YEATS2: variants seen among roughly 807,000 people sequenced by gnomAD.
YEATS2 encodes YEATS domain containing 2.
YEATS2 carries 77 observed loss-of-function variants against 163.2 expected under a neutral mutation model. The observed-to-expected ratio is 0.47, with a 90% CI of 0.39 to 0.57. The LOEUF is 0.57. YEATS2 is among the 20% of genes least tolerant of loss of function. The pLI, the probability that YEATS2 is intolerant of heterozygous loss-of-function variation, is 0.00. For missense variants in YEATS2, 1,549 were observed against 1,729.8 expected, an observed-to-expected ratio of 0.90 and a Z score of 1.85; for synonymous variants, 631 against 645.1, an observed-to-expected ratio of 0.98 and a Z score of 0.33.
intron 1 of YEATS2, among the ~76,000 whole-genome samples, chr3:183,712,375 A>AT (rs1342292146): frequency 6.7e-6 from 1 of 150,296 alleles, no homozygotes; most frequent in Admixed American, 6.7e-5. Context: ...TGCCCAGCTA[A>AT]TTTTTTTGTA....
At chr3:183,732,084 C>T (rs1181893036) in intron 7 of YEATS2, among the ~76,000 whole-genome samples, 1 of 151,936 alleles carries the variant, frequency 6.6e-6, no homozygotes, top group South Asian at 2.1e-4. Context: ...TCTATTACTG[C>T]ACTTACTCAT....
chr3:183,747,161 T>C (rs1453818526), intron 8 of YEATS2, among the ~76,000 whole-genome samples: 1 of 151,952 alleles, frequency 6.6e-6, no homozygotes, highest in Non-Finnish European at 1.5e-5. Context: ...GTTTTCATTC[T>C]TTTTTTTAAG....
In YEATS2 at chr3:183,809,536, A is replaced by G. The variant is rs550500097; in HGVS notation, c.4160+366A>G. The G allele has an allele frequency of 3.4e-3, 562 of 163,852 alleles. 1 individual carries two copies. The highest frequency in any genetic ancestry group is 5.8e-3 in the Non-Finnish European group (436 of 75,518). The allele number at this position is 163,852 out of a possible 1,614,324, so 10.1% of individuals were successfully genotyped here. On this transcript the variant is annotated intron_variant, in intron 30 of 30. Transcript: ENST00000305135. ...TATTACCTAATTTGTTTTTCATTGCAGAACTATTATTCTCTTTTTAAAAAT... is the reference window on the plus strand; with the variant it reads ...TATTACCTAATTTGTTTTTCATTGCGGAACTATTATTCTCTTTTTAAAAAT...
chr3:183,752,853 A>G (rs1201803658), intron 10 of YEATS2, among the ~76,000 whole-genome samples: 1 of 151,772 alleles, frequency 6.6e-6, no homozygotes, highest in African/African-American at 2.4e-5. Context: ...GCTGGAGTGC[A>G]GTGGCATGAT....
chr3:183,766,911 G>C (rs962429721), intron 15 of YEATS2, among the ~76,000 whole-genome samples: 3 of 151,892 alleles, frequency 2.0e-5, no homozygotes, highest in Non-Finnish European at 4.4e-5. Flanking sequence ...CTGGGCTCAA[G>C]CAGTCTGCCT....
intron 6 of YEATS2, 97 bp downstream of exon 6, chr3:183,724,628 A>C: frequency 1.2e-6 from 1 of 827,908 alleles, no homozygotes; most frequent in South Asian, 2.2e-5. Flanking sequence ...AGCCTCAGGG[A>C]TTCTTTTTCC....
At chr3:183,797,222 T>A (rs1488317724) in intron 21 of YEATS2, among the ~76,000 whole-genome samples, 1 of 138,388 alleles carries the variant, frequency 7.2e-6, no homozygotes, top group Non-Finnish European at 1.5e-5. Context: ...TGAGCTGAGA[T>A]GGAGCCATTG....
At chr3:183,746,179 C>T (rs1006831331) in intron 8 of YEATS2, among the ~76,000 whole-genome samples, 9 of 152,132 alleles carry the variant, frequency 5.9e-5, no homozygotes, top group African/African-American at 1.9e-4. Flanking sequence ...CCTCCTGCGT[C>T]AGCCTCCTGA....
rs574742071 is a variant in YEATS2 at position 183,793,003 on chromosome 3, G to T, written c.3097+2023G>T. 2.0e-5 allele frequency: 12 copies of T among 587,064 alleles called. No homozygotes were observed. The East Asian group carries it at 7.3e-4, about 36-fold the overall frequency. 36.4% of individuals were successfully genotyped at this position (587,064 alleles called of 1,614,324 possible). ...TTCTCAAACTTGAAAGTTCAGTTTT[G>T]TTTTTGTTTTTCTATAATCTGGTAT... is the stretch of plus-strand genomic sequence containing the variant. On this transcript the variant is annotated intron_variant, in intron 21 of 30. Coordinates refer to ENST00000305135, the MANE Select transcript of YEATS2 (RefSeq NM_018023.5).
chr3:183,733,006 G>A (rs961928796), intron 7 of YEATS2, among the ~76,000 whole-genome samples: 51 of 152,196 alleles, frequency 3.4e-4, no homozygotes, highest in African/African-American at 1.2e-3. Context: ...GACTATAGGC[G>A]TGTGCCACCT....
At chr3:183,800,369 C>G (rs1725554960) in intron 23 of YEATS2, 97 bp from the exon 24 acceptor site, 1 of 837,154 alleles carries the variant, frequency 1.2e-6, no homozygotes, top group Admixed American at 2.4e-5. Context: ...TGGCAGTTTC[C>G]TTACTGAGCT....
At chr3:183,740,614 A>T (rs1718849581) in intron 8 of YEATS2, among the ~76,000 whole-genome samples, 1 of 152,198 alleles carries the variant, frequency 6.6e-6, no homozygotes, top group Non-Finnish European at 1.5e-5. Flanking sequence ...CAAGACTGAG[A>T]GGGGTGAGGA....
intron 19 of YEATS2, among the ~76,000 whole-genome samples, chr3:183,778,260 T>C (rs1194638102): frequency 6.6e-6 from 1 of 152,150 alleles, no homozygotes; most frequent in Non-Finnish European, 1.5e-5. Context: ...ACTTAAGATA[T>C]CTTGCACAGT....
chr3:183,766,955 A>G (rs200889868), intron 15 of YEATS2, among the ~76,000 whole-genome samples: 1 of 151,880 alleles, frequency 6.6e-6, no homozygotes, highest in East Asian at 2.0e-4. Context: ...GGTTATAAGC[A>G]TGAGCCACTG....
At chr3:183,798,084 TG>T in intron 22 of YEATS2, 33 bp downstream of exon 22, 1 of 1,610,502 alleles carries the variant, frequency 6.2e-7, no homozygotes, top group Non-Finnish European at 8.5e-7. Context: ...GTCTGTGCTG[TG>T]GCTGCCTCCA....
intron 1 of YEATS2, among the ~76,000 whole-genome samples, chr3:183,712,892 C>G (rs1035822459): frequency 1.5e-4 from 23 of 151,986 alleles, no homozygotes; most frequent in Non-Finnish European, 2.9e-5. Flanking sequence ...TCACAAGTAG[C>G]TGGGATTACA....
At chr3:183,712,633 A>T (rs1350695410) in intron 1 of YEATS2, among the ~76,000 whole-genome samples, 1 of 152,100 alleles carries the variant, frequency 6.6e-6, no homozygotes, top group Non-Finnish European at 1.5e-5. Context: ...ATAGATTAAC[A>T]CTGTAAGGGA....
intron 1 of YEATS2, among the ~76,000 whole-genome samples, chr3:183,714,046 A>G (rs554006460): frequency 6.6e-6 from 1 of 151,968 alleles, no homozygotes; most frequent in African/African-American, 2.4e-5. Context: ...CTCGTGATCC[A>G]TCCACCTTTG....
chr3:183,766,877 G>T (rs1243030680), intron 15 of YEATS2, among the ~76,000 whole-genome samples: 2 of 152,066 alleles, frequency 1.3e-5, no homozygotes, highest in Non-Finnish European at 2.9e-5. Context: ...TTTTCACTAT[G>T]TTGCCCAGGC....
Sources: gnomAD v4.1 joint callset for allele counts (sites outside exome capture counted in the v4.1 genomes callset) on GRCh38, gnomAD v4.1.1 for gene constraint, MANE v1.5 for transcripts, NCBI Gene and HGNC (gene_info 2026-07-23, HGNC 2026-07-21) for gene names.